The following ACTR3 variants were observed in gnomAD, a reference collection of about 807,000 sequenced individuals.
ACTR3 encodes actin related protein 3.
ACTR3 carries 12 observed loss-of-function variants against 56.8 expected under a neutral mutation model. That is an observed-to-expected ratio of 0.21 (90% CI 0.14 to 0.34). ACTR3 has a LOEUF of 0.34. Ranked by LOEUF, ACTR3 falls within the 10% of genes least tolerant of loss-of-function variation. The probability of loss-of-function intolerance (pLI) is 1.00; values close to 1 mark genes in which losing one functional copy is unlikely to be tolerated. For missense variants in ACTR3, 282 were observed against 512.5 expected, an observed-to-expected ratio of 0.55 and a Z score of 4.34; for synonymous variants, 162 against 167.4, an observed-to-expected ratio of 0.97 and a Z score of 0.25.
At chr2:113,948,617 A>C (rs964907945) in intron 8 of ACTR3, among the ~76,000 whole-genome samples, 1 of 152,136 alleles carries the variant, frequency 6.6e-6, no homozygotes, top group African/African-American at 2.4e-5. Context: ...TGTGACCACA[A>C]ATTTTGTTCA....
At position 113,958,581 on chromosome 2, in the gene ACTR3, A is replaced by G. The variant is rs1331683418; in HGVS notation, c.*1126A>G. ...GAAAAAGTGATGAAAATAAATTAAA[A>G]CTGAATTACCTTTTCTAATGTTTTT... is the stretch of plus-strand genomic sequence containing the variant. On this transcript the variant is annotated 3_prime_UTR_variant, in exon 12 of 12. Transcript: ENST00000263238. 6.7e-6 allele frequency: 1 copy of G among 148,796 alleles called. No homozygotes were observed. Among genetic ancestry groups the G allele is most frequent in the Non-Finnish European group, 1.5e-5 (1 of 67,734 alleles). The allele number at this position is 148,796 out of a possible 1,614,324, so 9.2% of individuals were successfully genotyped here.
chr2:113,939,273 C>A lies in ACTR3; in HGVS notation c.541-686C>A, dbSNP rs112232943. 0.024 allele frequency among the ~76,000 whole-genome samples: 3,677 copies of A among 152,118 alleles called. 219 individuals are homozygous for A. In the East Asian group the frequency reaches 0.26, roughly 11 times the overall value. ...TCCTGACCTCGTGATCCGCCCGTCT[C>A]GGCCTCCCAAAGTGCTGGGATTACA... On this transcript the variant is annotated intron_variant, in intron 6 of 11. Coordinates refer to ENST00000263238, the MANE Select transcript of ACTR3 (RefSeq NM_005721.5).
intron 3 of ACTR3, among the ~76,000 whole-genome samples, chr2:113,922,484 C>A (rs1042610836): frequency 6.6e-6 from 1 of 152,170 alleles, no homozygotes; most frequent in African/African-American, 2.4e-5. Context: ...GTGGCATCAT[C>A]TGCTGGTCAT....
At chr2:113,939,893 AT>A in intron 6 of ACTR3, 65 bp from the exon 7 acceptor site, 1 of 1,457,724 alleles carries the variant, frequency 6.9e-7, no homozygotes, top group Non-Finnish European at 9.4e-7. Flanking sequence ...ATTGGTTCAT[AT>A]TTTTGGGTTA....
intron 5 of ACTR3, among the ~76,000 whole-genome samples, chr2:113,933,027 T>A (rs970312107): frequency 1.3e-5 from 2 of 152,198 alleles, no homozygotes; most frequent in Non-Finnish European, 2.9e-5. Context: ...TTTAGTTTTT[T>A]AAAAAATGAA....
At chr2:113,890,406 T>C in intron 1 of ACTR3, 83 bp downstream of exon 1, 1 of 1,395,566 alleles carries the variant, frequency 7.2e-7, no homozygotes, top group Non-Finnish European at 9.7e-7. Flanking sequence ...GGGAAATGAA[T>C]GGTGCGGCGA....
At chr2:113,936,236 T>C (rs1679822702) in intron 6 of ACTR3, among the ~76,000 whole-genome samples, 1 of 142,748 alleles carries the variant, frequency 7.0e-6, no homozygotes, top group African/African-American at 2.7e-5. Flanking sequence ...GAGGCTGCAG[T>C]GAGCCATGAT....
At chr2:113,934,221 T>G in intron 5 of ACTR3, 58 bp from the exon 6 acceptor site, 2 of 1,198,214 alleles carry the variant, frequency 1.7e-6, no homozygotes, top group South Asian at 1.4e-5. Context: ...CGATTAACTC[T>G]TTGTTTTTTT....
At chr2:113,905,373 G>C (rs546722967) in intron 1 of ACTR3, 2 of 152,016 alleles carry the variant, frequency 1.3e-5, no homozygotes, top group Admixed American at 1.3e-4. Context: ...GCTGAGGCAG[G>C]AGAATCGCTT....
At chr2:113,890,425 CG>C in intron 1 of ACTR3, 102 bp downstream of exon 1, 1 of 1,346,228 alleles carries the variant, frequency 7.4e-7, no homozygotes, top group Non-Finnish European at 1.0e-6. Context: ...GAGGTGCCGC[CG>C]CCGGCTGTCA....
chr2:113,920,178 C>T (rs1343063213), intron 3 of ACTR3, among the ~76,000 whole-genome samples: 1 of 152,172 alleles, frequency 6.6e-6, no homozygotes, highest in Non-Finnish European at 1.5e-5. Context: ...CCACCTTGGC[C>T]TCCCAAAGTG....
chr2:113,911,416 A>T, intron 1 of ACTR3, among the ~76,000 whole-genome samples: 1 of 127,784 alleles, frequency 7.8e-6, no homozygotes, highest in African/African-American at 3.6e-5. Flanking sequence ...CTTATTTGGC[A>T]CACTTTTTTT....
Position 113,957,534 on chromosome 2 carries a change from G to C in ACTR3, c.*79G>C, listed in dbSNP as rs1680239188. 1.8e-6 allele frequency: 2 copies of C among 1,134,918 alleles called. No homozygotes were observed. The highest frequency in any genetic ancestry group is 2.6e-6 in the Non-Finnish European group (2 of 758,194). The allele number at this position is 1,134,918 out of a possible 1,614,324, so 70.3% of individuals were successfully genotyped here. On this transcript the variant is annotated 3_prime_UTR_variant, in exon 12 of 12. Coordinates refer to ENST00000263238, the MANE Select transcript of ACTR3 (RefSeq NM_005721.5). ...GATTACCTGTTTTGTCTGGATGGCT[G>C]GTTTTGAGGTTTTAAACCTGACTTG...
In ACTR3 at chr2:113,890,268, G is replaced by A. The variant is rs1473532323; in HGVS notation, c.-12G>A. 2.6e-6 allele frequency: 4 copies of A among 1,551,352 alleles called. No individual in the cohort carries two copies. Among genetic ancestry groups the A allele is most frequent in the African/African-American group, 2.7e-5 (2 of 72,946 alleles). ...CAGACGGCGGCAGCAGCAGCAGCAGGCGAGGAGGAAGATGGCGGGACGGCT... is the reference window on the plus strand; with the variant it reads ...CAGACGGCGGCAGCAGCAGCAGCAGACGAGGAGGAAGATGGCGGGACGGCT... On this transcript the variant is annotated 5_prime_UTR_variant, in exon 1 of 12. Transcript: ENST00000263238.
chr2:113,932,490 C>T (rs1447925134), intron 5 of ACTR3, among the ~76,000 whole-genome samples: 1 of 152,114 alleles, frequency 6.6e-6, no homozygotes, highest in Non-Finnish European at 1.5e-5. Context: ...TTTCATTCCT[C>T]TGGAGTCGTA....
rs1188659193 is a variant in ACTR3, at chr2:113,916,944, G to A, written c.161G>A (p.Gly54Asp). 1 of 1,610,414 alleles carries A rather than the reference G, an allele frequency of 6.2e-7. No individual in the cohort carries two copies. The highest frequency in any genetic ancestry group is 1.7e-5 in the Admixed American group (1 of 59,806). ...CAAGCTCAAAGGAGGGTGATGAAAG[G>A]TGTTGATGACCTAGACTTCTTCATT... Reference protein sequence around the residue: ...GDQAQRRVMKGVDDLDFFIGD... With the variant: ...GDQAQRRVMKDVDDLDFFIGD... Residue 54 changes from glycine (G) to aspartate (D), a missense_variant, in exon 3 of 12, where the codon GGT becomes GAT. Gly to Asp is a moderately conservative substitution (Grantham distance 94). Transcript: ENST00000263238.
Position 113,962,144 on chromosome 2 carries a change from C to T in ACTR3, c.*4689C>T, listed in dbSNP as rs1013141599. On this transcript the variant is annotated 3_prime_UTR_variant, in exon 12 of 12. Transcript: ENST00000263238. ...ATATTTGTCAAATATGACCGAATTA[C>T]GACTTTTTTTCTGTTCCACTAGTTT... 4 of 151,896 alleles carry T rather than the reference C, an allele frequency of 2.6e-5. No individual in the cohort carries two copies. Among genetic ancestry groups the T allele is most frequent in the Admixed American group, 1.3e-4 (2 of 15,222 alleles). The allele number at this position is 151,896 out of a possible 1,614,324, so 9.4% of individuals were successfully genotyped here. A position where few individuals can be genotyped will look rare whatever the true frequency, so the allele number is the denominator to read the frequency against.
rs531969316 is a variant in ACTR3 at position 113,924,535 on chromosome 2, C to A, written c.226-2810C>A. Among the ~76,000 whole-genome samples, 3 of 152,172 alleles carry A rather than the reference C, an allele frequency of 2.0e-5. No individual in the cohort carries two copies. In the East Asian group the frequency reaches 5.8e-4, roughly 29 times the overall value. On this transcript the variant is annotated intron_variant, in intron 3 of 11. Transcript: ENST00000263238. ...TAAAAATTAAAGCTGTTCTTATTCC[C>A]CTGCTTAAAAATTTCTCTGCTGTTT...
intron 10 of ACTR3, chr2:113,953,677 TA>T (rs1414404231): frequency 6.8e-6 from 1 of 146,468 alleles, no homozygotes; most frequent in Non-Finnish European, 1.5e-5. Flanking sequence ...TTTCTATAAA[TA>T]GGTGTGTGTA....
Sources: allele counts gnomAD v4.1 joint callset (sites outside exome capture counted in the v4.1 genomes callset), GRCh38; gene constraint gnomAD v4.1.1; transcripts MANE v1.5; gene names NCBI Gene and HGNC (gene_info 2026-07-23, HGNC 2026-07-21).